Variants in DNM3 observed in about 807,000 individuals in gnomAD.
DNM3 encodes the protein dynamin 3.
In DNM3, 47 loss-of-function variants were observed where a neutral mutation model predicts 101.6. The ratio of observed to expected loss-of-function variants is 0.46; its 90% CI spans 0.37 to 0.59. DNM3 has a LOEUF of 0.59. DNM3 is among the 20% of genes least tolerant of loss of function. The pLI is 0.00. For missense variants in DNM3, 849 were observed against 1,085.7 expected (o/e 0.78, Z 3.06); for synonymous variants, 385 against 387.9 (o/e 0.99, Z 0.09).
chr1:172,300,402 C>G (rs2064386148), intron 15 of DNM3, among the ~76,000 whole-genome samples: 1 of 152,034 alleles, frequency 6.6e-6, no homozygotes, highest in Non-Finnish European at 1.5e-5. Context: ...AATTAGGTCC[C>G]TCTTGTCAAT....
At chr1:172,133,069 T>C (rs902002364) in intron 14 of DNM3, 32 of 1,451,534 alleles carry the variant, frequency 2.2e-5, no homozygotes, top group Non-Finnish European at 2.8e-5. Flanking sequence ...AGAGGACTTA[T>C]GAAGATGAAT....
chr1:172,321,333 A>T (rs1168812169), intron 16 of DNM3, among the ~76,000 whole-genome samples: 1 of 152,232 alleles, frequency 6.6e-6, no homozygotes, highest in East Asian at 1.9e-4. Flanking sequence ...CTTGGTACTT[A>T]GCCCCCAACA....
chr1:172,213,247 G>C (rs1385972752), intron 14 of DNM3, among the ~76,000 whole-genome samples: 1 of 137,658 alleles, frequency 7.3e-6, no homozygotes, highest in African/African-American at 3.1e-5. Flanking sequence ...AATAGACCTA[G>C]AAATTACAGG....
chr1:172,202,575 G>T (rs184096583), intron 14 of DNM3, among the ~76,000 whole-genome samples: 53 of 152,156 alleles, frequency 3.5e-4, no homozygotes, highest in Middle Eastern at 3.4e-3. Context: ...GGTTCTTGAA[G>T]GTACAAACCA....
chr1:171,964,166 G>A (rs1287292605), intron 2 of DNM3, among the ~76,000 whole-genome samples: 2 of 152,042 alleles, frequency 1.3e-5, no homozygotes, highest in African/African-American at 2.4e-5. Context: ...TCTCCTGTGG[G>A]GAAAATCTAC....
intron 10 of DNM3, among the ~76,000 whole-genome samples, chr1:172,068,199 G>A (rs937275182): frequency 3.3e-5 from 5 of 152,040 alleles, no homozygotes; most frequent in African/African-American, 1.2e-4. Flanking sequence ...TTGGTGGCAC[G>A]TGCCTGTAAT....
At chr1:172,096,568 A>T (rs1199385925) in intron 13 of DNM3, among the ~76,000 whole-genome samples, 1 of 152,188 alleles carries the variant, frequency 6.6e-6, no homozygotes, top group African/African-American at 2.4e-5. Flanking sequence ...ATGCATCAAG[A>T]TTTATGATTT....
chr1:172,305,866 C>G (rs1350056795), intron 15 of DNM3, among the ~76,000 whole-genome samples: 1 of 152,116 alleles, frequency 6.6e-6, no homozygotes, highest in Non-Finnish European at 1.5e-5. Context: ...TAACTAGGTA[C>G]TGATGGAATG....
intron 20 of DNM3, among the ~76,000 whole-genome samples, chr1:172,396,089 C>T (rs1267257664): frequency 1.3e-5 from 2 of 152,202 alleles, no homozygotes; most frequent in African/African-American, 2.4e-5. Flanking sequence ...ATCACAGCCA[C>T]GCAATAGGCA....
At chr1:172,229,297 GA>G (rs1291208364) in intron 14 of DNM3, among the ~76,000 whole-genome samples, 1 of 152,108 alleles carries the variant, frequency 6.6e-6, no homozygotes, top group East Asian at 1.9e-4. Flanking sequence ...CTCTACTCTG[GA>G]GTGACTTATT....
intron 2 of DNM3, among the ~76,000 whole-genome samples, chr1:171,975,539 A>G (rs2044308040): frequency 6.6e-6 from 1 of 152,188 alleles, no homozygotes; most frequent in Admixed American, 6.5e-5. Context: ...AGAATCTGTG[A>G]TTTTGTTAAA....
At chr1:172,116,703 G>A (rs186081095) in intron 13 of DNM3, among the ~76,000 whole-genome samples, 1 of 152,318 alleles carries the variant, frequency 6.6e-6, no homozygotes. Context: ...GAGTTGGTAA[G>A]CAAAGTTAAA....
At chr1:172,297,583 AC>A (rs2064228952) in intron 15 of DNM3, among the ~76,000 whole-genome samples, 2 of 152,162 alleles carry the variant, frequency 1.3e-5, no homozygotes, top group Admixed American at 6.5e-5. Context: ...CTAGATGAAT[AC>A]CAACCTTCTT....
intron 10 of DNM3, among the ~76,000 whole-genome samples, chr1:172,050,736 TG>T (rs2050147778): frequency 1.3e-5 from 2 of 152,168 alleles, no homozygotes; most frequent in Non-Finnish European, 2.9e-5. Context: ...AGATGAAGGA[TG>T]TGGTTTATGT....
At chr1:172,227,240 C>CT (rs1181409485) in intron 14 of DNM3, among the ~76,000 whole-genome samples, 64 of 106,688 alleles carry the variant, frequency 6.0e-4, no homozygotes, top group Middle Eastern at 8.1e-3. Context: ...ACATTTCATT[C>CT]TTTTTTTTTA....
rs972651516 is a variant in DNM3, at chr1:171,915,001, C to T, written c.162-6747C>T. 2.0e-5 allele frequency among the ~76,000 whole-genome samples: 3 copies of T among 152,168 alleles called. No homozygotes were observed. The South Asian group carries it at 6.2e-4, about 32-fold the overall frequency. On this transcript the variant is annotated intron_variant, in intron 1 of 20. Coordinates refer to ENST00000627582, the MANE Select transcript of DNM3 (RefSeq NM_015569.5). ...AAGATTTAGGGGGATAGGGATGTGC[C>T]TAGACACGAAGTCTAAGAGCACAGA...
intron 14 of DNM3, among the ~76,000 whole-genome samples, chr1:172,151,740 G>C (rs984885514): frequency 6.6e-6 from 1 of 152,142 alleles, no homozygotes; most frequent in African/African-American, 2.4e-5. Flanking sequence ...TACTAGGGCA[G>C]GTGCTTGGAG....
chr1:172,030,054 T>G (rs2048492503), intron 4 of DNM3, among the ~76,000 whole-genome samples: 1 of 152,170 alleles, frequency 6.6e-6, no homozygotes, highest in East Asian at 1.9e-4. Context: ...TAGAAAAAAC[T>G]ACTTTAAATT....
intron 16 of DNM3, among the ~76,000 whole-genome samples, chr1:172,313,197 T>C (rs746618556): frequency 6.6e-6 from 1 of 152,256 alleles, no homozygotes; most frequent in African/African-American, 2.4e-5. Context: ...TCATTAAATA[T>C]GTAGGACTTT....
Sources: gnomAD v4.1 joint callset for allele counts (sites outside exome capture counted in the v4.1 genomes callset) on GRCh38, gnomAD v4.1.1 for gene constraint, MANE v1.5 for transcripts, NCBI Gene and HGNC (gene_info 2026-07-23, HGNC 2026-07-21) for gene names.